The following PLEKHA2 variants were observed in gnomAD, a reference collection of about 807,000 sequenced individuals.
The protein encoded by PLEKHA2 is pleckstrin homology domain-containing family A member 2.
PLEKHA2 carries 28 observed loss-of-function variants against 53.2 expected under a neutral mutation model. That is an observed-to-expected ratio of 0.53 (90% confidence interval 0.39 to 0.72). PLEKHA2 has a LOEUF of 0.72. Ranked by LOEUF, PLEKHA2 falls within the 30% of genes least tolerant of loss-of-function variation. The pLI, the probability that PLEKHA2 is intolerant of heterozygous loss-of-function variation, is 0.00. For missense variants in PLEKHA2, 426 were observed against 537.9 expected (o/e 0.79, Z 2.06); for synonymous variants, 193 against 196.4 (o/e 0.98, Z 0.14).
chr8:38,950,557 C>A, intron 5 of PLEKHA2: 1 of 279,210 alleles, frequency 3.6e-6, no homozygotes. Flanking sequence ...AAGGTGGGGA[C>A]CCACGTGTGT....
At position 38,952,603 on chromosome 8, in the gene PLEKHA2, G is replaced by A. The variant is rs78456410; in HGVS notation, c.634-33G>A. 242 of 1,593,340 alleles carry A rather than the reference G, an allele frequency of 1.5e-4. 1 individual carries two copies. In the East Asian group the frequency reaches 5.1e-3, roughly 34 times the overall value. On this transcript the variant is annotated intron_variant, in intron 7 of 11. Coordinates refer to ENST00000617275, the MANE Select transcript of PLEKHA2 (RefSeq NM_021623.2). ...CCCTCCACAATGCTGGGCACCTCTCGCTAATGGTCTGCCTTTTATTTTTTT... is the reference window on the plus strand; with the variant it reads ...CCCTCCACAATGCTGGGCACCTCTCACTAATGGTCTGCCTTTTATTTTTTT...
intron 5 of PLEKHA2, among the ~76,000 whole-genome samples, chr8:38,949,600 G>A (rs759506809): frequency 2.6e-5 from 4 of 152,216 alleles, no homozygotes; most frequent in Non-Finnish European, 5.9e-5. Context: ...AAAATTTTAT[G>A]ATGATTTGAT....
chr8:38,958,962 A>G (rs77500627), intron 10 of PLEKHA2, among the ~76,000 whole-genome samples: 8 of 152,136 alleles, frequency 5.3e-5, no homozygotes, highest in Admixed American at 2.0e-4. Flanking sequence ...ACGATTCCGT[A>G]TGACACTGTG....
chr8:38,903,938 T>C (rs760378918), intron 1 of PLEKHA2, among the ~76,000 whole-genome samples: 2 of 152,206 alleles, frequency 1.3e-5, no homozygotes, highest in African/African-American at 4.8e-5. Flanking sequence ...CCGTTTTCCA[T>C]CTGTCTCAGT....
At chr8:38,955,979 T>C (rs545822499) in intron 9 of PLEKHA2, among the ~76,000 whole-genome samples, 2 of 151,984 alleles carry the variant, frequency 1.3e-5, no homozygotes, top group South Asian at 4.2e-4. Flanking sequence ...CCTGACTCAG[T>C]TTTGTATTTT....
chr8:38,951,683 G>A (rs1834846764), intron 6 of PLEKHA2, among the ~76,000 whole-genome samples: 1 of 151,340 alleles, frequency 6.6e-6, no homozygotes, highest in Admixed American at 6.6e-5. Context: ...TGTATTTTTT[G>A]TTGGAGATGG....
chr8:38,936,228 G>A (rs1450008075), intron 3 of PLEKHA2, among the ~76,000 whole-genome samples, 178 bp downstream of exon 3: 6 of 152,156 alleles, frequency 3.9e-5, no homozygotes, highest in Non-Finnish European at 8.8e-5. Context: ...TGGCTGTAGA[G>A]GTATGTGGTT....
chr8:38,917,178 C>A (rs112621658), intron 1 of PLEKHA2, among the ~76,000 whole-genome samples: 16,029 of 152,072 alleles, frequency 0.11, 1,183 homozygotes, highest in Non-Finnish European at 0.16. Flanking sequence ...GGTTATTAGT[C>A]CCTTGTCAGA....
intron 4 of PLEKHA2, among the ~76,000 whole-genome samples, chr8:38,944,504 G>GAA (rs34562479): frequency 6.0e-5 from 9 of 149,334 alleles, no homozygotes; most frequent in African/African-American, 9.8e-5. Flanking sequence ...CTCAAAAAAA[G>GAA]AAAAAAAAAA....
chr8:38,963,855 C>T (rs749602796), intron 10 of PLEKHA2, among the ~76,000 whole-genome samples: 1 of 151,532 alleles, frequency 6.6e-6, no homozygotes, highest in Admixed American at 6.6e-5. Context: ...GTTATCTGAC[C>T]GAAAAATGTT....
At chr8:38,962,826 G>T (rs867407361) in intron 10 of PLEKHA2, among the ~76,000 whole-genome samples, 1 of 152,230 alleles carries the variant, frequency 6.6e-6, no homozygotes, top group South Asian at 2.1e-4. Flanking sequence ...GAGTTGCAGA[G>T]TGTTGCATTA....
chr8:38,958,978 G>A (rs1229308177), intron 10 of PLEKHA2, among the ~76,000 whole-genome samples: 1 of 152,122 alleles, frequency 6.6e-6, no homozygotes, highest in Non-Finnish European at 1.5e-5. Context: ...CTGTGATGGT[G>A]GGTGTGTGAT....
intron 1 of PLEKHA2, among the ~76,000 whole-genome samples, chr8:38,905,146 G>A (rs1451250361): frequency 1.3e-5 from 2 of 152,100 alleles, no homozygotes; most frequent in Non-Finnish European, 2.9e-5. Flanking sequence ...TCATCTTCTT[G>A]CAAAAGTTCC....
chr8:38,950,596 A>G lies in PLEKHA2; in HGVS notation c.346-254A>G, dbSNP rs1834815066. 4 of 361,378 alleles carry G rather than the reference A, an allele frequency of 1.1e-5. 1 individual carries two copies. The highest frequency in any genetic ancestry group is 7.6e-4 in the Middle Eastern group (1 of 1,322). 22.4% of individuals were successfully genotyped at this position (361,378 alleles called of 1,614,324 possible). A position where few individuals can be genotyped will look rare whatever the true frequency, so the allele number is the denominator to read the frequency against. Reference sequence around the variant, plus strand: ...GCTTGACACTTTATCTTTGGTTTCTAGCCAGGGAAGGGCTGGCTCATAAGT... The same window carrying G: ...GCTTGACACTTTATCTTTGGTTTCTGGCCAGGGAAGGGCTGGCTCATAAGT... On this transcript the variant is annotated intron_variant, in intron 5 of 11. Coordinates refer to ENST00000617275, the MANE Select transcript of PLEKHA2 (RefSeq NM_021623.2).
At chr8:38,953,253 A>T (rs1379411101) in intron 8 of PLEKHA2, 44 bp from the exon 9 acceptor site, 1 of 1,512,616 alleles carries the variant, frequency 6.6e-7, no homozygotes, top group Non-Finnish European at 9.2e-7. Context: ...TCGTGATATG[A>T]CACAGACAGC....
chr8:38,955,568 A>C (rs1261223900), intron 9 of PLEKHA2, among the ~76,000 whole-genome samples: 1 of 152,092 alleles, frequency 6.6e-6, no homozygotes, highest in African/African-American at 2.4e-5. Flanking sequence ...CAACATTCTC[A>C]AACATCTCTT....
intron 10 of PLEKHA2, among the ~76,000 whole-genome samples, chr8:38,963,637 G>A (rs922079300): frequency 2.0e-5 from 3 of 152,144 alleles, no homozygotes; most frequent in Admixed American, 2.0e-4. Context: ...ACTTTGGGAG[G>A]CTGAGGCAGG....
chr8:38,960,631 C>G (rs1458876032), intron 10 of PLEKHA2, among the ~76,000 whole-genome samples: 1 of 152,150 alleles, frequency 6.6e-6, no homozygotes, highest in African/African-American at 2.4e-5. Context: ...TAATAGAAGA[C>G]AACAGGATTC....
At chr8:38,963,845 G>A (rs1835084645) in intron 10 of PLEKHA2, among the ~76,000 whole-genome samples, 1 of 152,108 alleles carries the variant, frequency 6.6e-6, no homozygotes, top group African/African-American at 2.4e-5. Flanking sequence ...TACTATCTAG[G>A]TTATCTGACC....
Sources: gnomAD v4.1 joint callset for allele counts (sites outside exome capture counted in the v4.1 genomes callset) on GRCh38, gnomAD v4.1.1 for gene constraint, MANE v1.5 for transcripts, NCBI Gene and HGNC (gene_info 2026-07-23, HGNC 2026-07-21) for gene names.